Variants in PSORS1C1 observed in about 807,000 individuals in gnomAD.
The protein encoded by PSORS1C1 is psoriasis susceptibility 1 candidate gene 1 protein.
Under a neutral mutation model 9.4 loss-of-function variants are expected in PSORS1C1, and 7 were observed. That is an observed-to-expected ratio of 0.75 (90% CI 0.42 to 1.40). The LOEUF (loss-of-function observed/expected upper bound fraction) is 1.40. Ranked by LOEUF, PSORS1C1 falls within the 40% of genes most tolerant of loss-of-function variation. The pLI is 0.01. For synonymous variants in PSORS1C1, 63 were observed against 69.4 expected (o/e 0.91, Z 0.46); for missense variants, 146 against 178.1 (o/e 0.82, Z 1.02).
intron 3 of PSORS1C1, chr6:31,137,645 C>T: frequency 2.9e-6 from 1 of 348,530 alleles, no homozygotes; most frequent in Non-Finnish European, 5.1e-6. Flanking sequence ...CATAGCCCTG[C>T]CCCAGCGATC....
intron 1 of PSORS1C1, chr6:31,120,488 C>G: frequency 3.0e-6 from 4 of 1,328,220 alleles, no homozygotes; most frequent in Non-Finnish European, 4.2e-6. Context: ...CAGAGCTGGA[C>G]ATTCCCTGGG....
In PSORS1C1 at chr6:31,137,061, T is replaced by A. The variant is rs566917392; in HGVS notation, c.14-1369T>A. ...TACTCAGAAGGCTGAGGCAGGAGAATGGCTTGAACCCGGGAGGCGGAGGTT... is the reference window on the plus strand; with the variant it reads ...TACTCAGAAGGCTGAGGCAGGAGAAAGGCTTGAACCCGGGAGGCGGAGGTT... On this transcript the variant is annotated intron_variant, in intron 3 of 5. Coordinates refer to ENST00000259881, the MANE Select transcript of PSORS1C1 (RefSeq NM_014068.3). 2.6e-5 allele frequency among the ~76,000 whole-genome samples: 4 copies of A among 151,818 alleles called. No individual in the cohort carries two copies. In the East Asian group the frequency reaches 7.8e-4, roughly 29 times the overall value.
At chr6:31,119,709 C>G (rs994018702) in intron 1 of PSORS1C1, among the ~76,000 whole-genome samples, 2 of 151,792 alleles carry the variant, frequency 1.3e-5, no homozygotes, top group Non-Finnish European at 2.9e-5. Context: ...ACCAGCTTGA[C>G]CAAAATGGTG....
Position 31,126,046 on chromosome 6 carries a change from G to C in PSORS1C1, c.-65+207G>C, listed in dbSNP as rs140984763. Among the ~76,000 whole-genome samples the C allele has an allele frequency of 8.2e-4, 124 of 152,090 alleles. 2 individuals carry two copies. The East Asian group carries it at 0.013, about 15-fold the overall frequency. On this transcript the variant is annotated intron_variant, in intron 2 of 5. Transcript: ENST00000259881. ...ATGTGCAAAGCCCCTGTAGGTGCTG[G>C]AGGGATTCACTGATGGCCTTGGCGG...
intron 1 of PSORS1C1, among the ~76,000 whole-genome samples, chr6:31,125,337 C>T (rs947269254): frequency 6.6e-6 from 1 of 152,118 alleles, no homozygotes; most frequent in African/African-American, 2.4e-5. Flanking sequence ...TCCCTGTGGA[C>T]TCACCTCTGC....
chr6:31,121,785 G>T (rs143614596), intron 1 of PSORS1C1, among the ~76,000 whole-genome samples: 1 of 152,250 alleles, frequency 6.6e-6, no homozygotes. Context: ...CAGACCAGCA[G>T]GAGGATGGAA....
At chr6:31,117,466 G>T in intron 1 of PSORS1C1, 2 of 1,554,318 alleles carry the variant, frequency 1.3e-6, no homozygotes, top group South Asian at 1.2e-5. Context: ...GTCGTTAGGG[G>T]AGGTGATACG....
intron 3 of PSORS1C1, chr6:31,138,162 G>A: frequency 6.3e-7 from 1 of 1,596,794 alleles, no homozygotes; most frequent in Non-Finnish European, 8.5e-7. Flanking sequence ...ACTGGGGCGG[G>A]TAGGCGGAGG....
At position 31,134,441 on chromosome 6, in the gene PSORS1C1, T is replaced by A. The variant is rs987393157; in HGVS notation, c.14-3989T>A. Reference sequence around the variant, plus strand: ...TCTCAGCCTCCCGAGTAGCTGGGACTACAGGCGCCGGCCACCATGCCCGGC... The same window carrying A: ...TCTCAGCCTCCCGAGTAGCTGGGACAACAGGCGCCGGCCACCATGCCCGGC... On this transcript the variant is annotated intron_variant, in intron 3 of 5. Coordinates refer to ENST00000259881, the MANE Select transcript of PSORS1C1 (RefSeq NM_014068.3). Among the ~76,000 whole-genome samples the A allele has an allele frequency of 2.0e-5, 3 of 152,272 alleles. No homozygotes were observed. In the East Asian group the frequency reaches 5.8e-4, roughly 29 times the overall value.
In PSORS1C1 at chr6:31,115,934, C is replaced by A; in HGVS notation, c.-229+1043C>A. On this transcript the variant is annotated intron_variant, in intron 1 of 5. Transcript: ENST00000259881. This position sits in a 1 kb window ranked among gnomAD's most constrained non-coding sequence, Gnocchi z 4.2. ...TGGGAAGGAGGGAAACTGAGCTAAC[C>A]CTATGCCTGGGCACTGGACTTCTCC... 8.5e-7 allele frequency: 1 copy of A among 1,182,136 alleles called. No individual in the cohort carries two copies. Among genetic ancestry groups the A allele is most frequent in the South Asian group, 1.3e-5 (1 of 79,822 alleles). The allele number at this position is 1,182,136 out of a possible 1,614,324, so 73.2% of individuals were successfully genotyped here.
rs1773349067 is a variant in PSORS1C1, at chr6:31,139,698, G to T, written c.225G>T (p.Gln75His). Reference sequence around the variant, plus strand: ...AGGAATTCCATCTGGCAGCCACCCAGGATGACTGCAGAAAAGGAAGGACAC... The same window carrying T: ...AGGAATTCCATCTGGCAGCCACCCATGATGACTGCAGAAAAGGAAGGACAC... ...ISKEFHLAAT[Q>H]DDCRKGRTQE... The change falls in exon 6 of 6, where the codon CAG becomes CAT. Residue 75 changes from glutamine (Q) to histidine (H), a missense_variant. Gln to His is a conservative substitution (Grantham distance 24, BLOSUM62 0). Coordinates refer to ENST00000259881, the MANE Select transcript of PSORS1C1 (RefSeq NM_014068.3). This position sits in a 1 kb window ranked among gnomAD's most constrained non-coding sequence, Gnocchi z 5.2. 6.2e-7 allele frequency: 1 copy of T among 1,612,898 alleles called. No individual in the cohort carries two copies. Among genetic ancestry groups the T allele is most frequent in the Admixed American group, 1.7e-5 (1 of 59,994 alleles).
Position 31,139,542 on chromosome 6 carries a change from C to T in PSORS1C1, c.168-99C>T. The T allele has an allele frequency of 3.3e-6, 4 of 1,212,346 alleles. No individual in the cohort carries two copies. The highest frequency in any genetic ancestry group is 4.6e-6 in the Non-Finnish European group (4 of 863,074). The allele number at this position is 1,212,346 out of a possible 1,614,324, so 75.1% of individuals were successfully genotyped here. On this transcript the variant is annotated intron_variant, in intron 5 of 5. Transcript: ENST00000259881. The surrounding 1 kb of genome is among the most constrained non-coding windows in gnomAD (Gnocchi z 5.2). ...TACTACCCCAGCCTCCCCACTCACC[C>T]CCGCACTGAAAGCTCCCCCTGGGGC...
At chr6:31,123,754 G>T (rs3131001) in intron 1 of PSORS1C1, among the ~76,000 whole-genome samples, 61,366 of 152,106 alleles carry the variant, frequency 0.4, 13,187 homozygotes, top group African/African-American at 0.57. Context: ...TGCCAGCCTT[G>T]GCCCCCAGTG....
At chr6:31,136,529 G>T (rs184065252) in intron 3 of PSORS1C1, among the ~76,000 whole-genome samples, 1 of 152,044 alleles carries the variant, frequency 6.6e-6, no homozygotes, top group Non-Finnish European at 1.5e-5. Flanking sequence ...TCATTCTAGC[G>T]GGGGGCACAT....
rs147268533 is a variant in PSORS1C1, at chr6:31,117,476, G to A, written c.-229+2585G>A. The A allele has an allele frequency of 2.2e-4, 343 of 1,553,102 alleles. No homozygotes were observed. The highest frequency in any genetic ancestry group is 2.6e-4 in the Non-Finnish European group (294 of 1,148,352). ...CAGGGGTCGTTAGGGGAGGTGATAC[G>A]CGTGGGGTCCTTACAAGGGTCTGAG... On this transcript the variant is annotated intron_variant, in intron 1 of 5. Coordinates refer to ENST00000259881, the MANE Select transcript of PSORS1C1 (RefSeq NM_014068.3).
At chr6:31,137,824 A>G in intron 3 of PSORS1C1, 1 of 468,640 alleles carries the variant, frequency 2.1e-6, no homozygotes, top group Non-Finnish European at 3.8e-6. Context: ...TTCAGAATAA[A>G]ACCGAGGGAA....
chr6:31,127,862 C>T (rs1269446488), intron 2 of PSORS1C1, among the ~76,000 whole-genome samples: 2 of 152,054 alleles, frequency 1.3e-5, no homozygotes, highest in Non-Finnish European at 2.9e-5. Context: ...CCTATTTCCT[C>T]GCTCTGCCTA....
chr6:31,135,076 G>A (rs950664943), intron 3 of PSORS1C1, among the ~76,000 whole-genome samples: 5 of 152,068 alleles, frequency 3.3e-5, no homozygotes, highest in Admixed American at 2.0e-4. Context: ...TCGGCCTCCC[G>A]AAGTGCTGGT....
chr6:31,116,618 A>C (rs1286587495), intron 1 of PSORS1C1: 5 of 1,613,068 alleles, frequency 3.1e-6, no homozygotes, highest in South Asian at 1.1e-5. Flanking sequence ...ACCCCTGGAG[A>C]GCCTTTCACA....
Sources: gnomAD v4.1 joint callset for allele counts (sites outside exome capture counted in the v4.1 genomes callset) on GRCh38, gnomAD v4.1.1 for gene constraint, Gnocchi (gnomAD v3.1) non-coding constraint, MANE v1.5 for transcripts, NCBI Gene and HGNC (gene_info 2026-07-23, HGNC 2026-07-21) for gene names.